The following MROH1 variants were observed in gnomAD, a reference collection of about 807,000 sequenced individuals.
The protein encoded by MROH1 is maestro heat-like repeat-containing protein family member 1.
MROH1 carries 117 observed loss-of-function variants against 116.5 expected under a neutral mutation model. That is an observed-to-expected ratio of 1.00 (90% CI 0.86 to 1.17). The LOEUF is 1.17. Ranked by LOEUF, MROH1 falls within the 50% of genes most tolerant of loss-of-function variation. MROH1 has a pLI of 0.00. For synonymous variants in MROH1, 921 were observed against 583.9 expected (o/e 1.58, Z -8.32); for missense variants, 1,873 against 1,338.5 (o/e 1.40, Z -6.23).
intron 29 of MROH1, among the ~76,000 whole-genome samples, chr8:144,246,428 C>T (rs899818477): frequency 3.3e-5 from 5 of 152,090 alleles, no homozygotes; most frequent in Non-Finnish European, 5.9e-5. Context: ...CCGCGCCCTG[C>T]CGAAACTTTC....
Position 144,199,151 on chromosome 8 carries a change from C to G in MROH1, c.978C>G (p.Pro326=). 1 of 1,613,756 alleles carries G rather than the reference C, an allele frequency of 6.2e-7. No individual in the cohort carries two copies. The highest frequency in any genetic ancestry group is 8.5e-7 in the Non-Finnish European group (1 of 1,179,834). ...QICVPVESSS[P]LVMSNQKEVL... ...GTGTGCCTGTGGAGTCCTCAAGCCC[C>G]CTGGTGATGAGTAACCAGAAGGAGG... Residue 326 remains proline, a synonymous_variant, in exon 11 of 44, where the codon CCC becomes CCG. Transcript: ENST00000326134.
intron 12 of MROH1, chr8:144,212,947 G>T: frequency 1.3e-6 from 1 of 746,888 alleles, no homozygotes; most frequent in Non-Finnish European, 2.5e-6. Flanking sequence ...AAGGTTAATA[G>T]AATTGGACTA....
At chr8:144,160,450 A>G (rs1448485273) in intron 1 of MROH1, among the ~76,000 whole-genome samples, 1 of 152,210 alleles carries the variant, frequency 6.6e-6, no homozygotes, top group Non-Finnish European at 1.5e-5. Context: ...GTTCTCCTAC[A>G]AGGCATTTGT....
chr8:144,178,209 G>A (rs1332466285), intron 4 of MROH1, among the ~76,000 whole-genome samples: 2 of 151,548 alleles, frequency 1.3e-5, no homozygotes, highest in Admixed American at 1.3e-4. Context: ...TCTCGGCTCT[G>A]CAACCTCTGC....
At chr8:144,170,052 C>T (rs1215908541) in intron 4 of MROH1, among the ~76,000 whole-genome samples, 2 of 152,288 alleles carry the variant, frequency 1.3e-5, no homozygotes, top group East Asian at 3.9e-4. Context: ...ATGTTGGTCT[C>T]GAACTCCTGA....
In MROH1 at chr8:144,233,296, C is replaced by G. The variant is rs190894349; in HGVS notation, c.1339-5460C>G. The stretch of plus-strand genomic sequence containing the variant: ...GCTTGTCCATGTTCCCAAACAGAAA[C>G]TCTGTCCTCATTAAATGCTAACTCC... On this transcript the variant is annotated intron_variant, in intron 14 of 43. Transcript: ENST00000326134. Among the ~76,000 whole-genome samples the G allele has an allele frequency of 3.2e-3, 480 of 151,882 alleles. 1 individual carries two copies. The highest frequency in any genetic ancestry group is 4.9e-3 in the Non-Finnish European group (335 of 67,832).
intron 31 of MROH1, 146 bp downstream of exon 31, chr8:144,247,825 T>C: frequency 3.0e-6 from 2 of 674,912 alleles, no homozygotes; most frequent in Non-Finnish European, 2.7e-6. Flanking sequence ...GTGTTTGCAT[T>C]AGTTGCCGGC....
chr8:144,254,738 CA>C, intron 33 of MROH1, 74 bp from the exon 34 acceptor site: 1 of 703,320 alleles, frequency 1.4e-6, no homozygotes, highest in South Asian at 1.5e-5. Context: ...AGCCAGGGTC[CA>C]CGGCACCCAG....
rs1228485043 is a variant in MROH1 at position 144,243,628 on chromosome 8, C to T, written c.2475+12C>T. ...TGGCACAGATGATGGTGAGCGTGGC[C>T]GTGGCCTGGCAGGTCCTCAGGCAGG... On this transcript the variant is annotated intron_variant, in intron 25 of 43. Transcript: ENST00000326134. 1.0e-5 allele frequency: 8 copies of T among 778,078 alleles called. No individual in the cohort carries two copies. The highest frequency in any genetic ancestry group is 1.4e-5 in the Non-Finnish European group (6 of 417,644). The allele number at this position is 778,078 out of a possible 1,614,324, so 48.2% of individuals were successfully genotyped here. A position where few individuals can be genotyped will look rare whatever the true frequency, so the allele number is the denominator to read the frequency against.
At position 144,248,740 on chromosome 8, in the gene MROH1, GC is replaced by G. The variant is rs1397156883; in HGVS notation, c.3121-134del. Reference sequence around the variant, plus strand: ...GCAGCGAGCTCATTGAAGGCGCAGGGCCCAGCGGCTGGGGCCCGGCTGCAAG... The same window carrying G: ...GCAGCGAGCTCATTGAAGGCGCAGGGCCAGCGGCTGGGGCCCGGCTGCAAG... On this transcript the variant is annotated intron_variant, in intron 31 of 43. Coordinates refer to ENST00000326134, the MANE Select transcript of MROH1 (RefSeq NM_032450.3). 1.0e-5 allele frequency: 7 copies of G among 690,084 alleles called. No homozygotes were observed. In the African/African-American group the frequency reaches 1.2e-4, roughly 12 times the overall value. The allele number at this position is 690,084 out of a possible 1,614,324, so 42.7% of individuals were successfully genotyped here.
intron 3 of MROH1, among the ~76,000 whole-genome samples, chr8:144,166,523 T>C (rs1246917594): frequency 1.3e-5 from 2 of 152,092 alleles, no homozygotes; most frequent in Non-Finnish European, 2.9e-5. Flanking sequence ...TGGGTGAAGC[T>C]CTGCCCACTT....
At chr8:144,226,236 A>G (rs561602043) in intron 14 of MROH1, among the ~76,000 whole-genome samples, 2 of 152,042 alleles carry the variant, frequency 1.3e-5, no homozygotes, top group East Asian at 3.9e-4. Context: ...TTTTTGTTAA[A>G]TGTGAGGTGT....
chr8:144,260,611 G>A (rs1229951297), intron 39 of MROH1, 66 bp from the exon 40 acceptor site: 1 of 768,494 alleles, frequency 1.3e-6, no homozygotes, highest in Non-Finnish European at 2.4e-6. Flanking sequence ...CAATGGCAGG[G>A]GGCTAGGCAG....
chr8:144,245,975 C>G (rs1191030818), intron 29 of MROH1, among the ~76,000 whole-genome samples: 11 of 152,114 alleles, frequency 7.2e-5, no homozygotes, highest in Non-Finnish European at 1.6e-4. Context: ...TGCACCTGGC[C>G]TTTTGTTAAT....
At chr8:144,239,523 C>G (rs1564543124) in intron 17 of MROH1, 91 bp from the exon 18 acceptor site, 1 of 758,078 alleles carries the variant, frequency 1.3e-6, no homozygotes, top group South Asian at 1.4e-5. Flanking sequence ...GAGCCAGGCT[C>G]CCCGTCGGGT....
intron 12 of MROH1, among the ~76,000 whole-genome samples, chr8:144,205,307 C>T (rs935991696): frequency 4.6e-5 from 7 of 152,192 alleles, no homozygotes; most frequent in African/African-American, 1.7e-4. Context: ...TTGTGTTAGA[C>T]ACCAGGCCAT....
intron 7 of MROH1, among the ~76,000 whole-genome samples, chr8:144,189,936 A>C (rs2131567682): frequency 6.6e-6 from 1 of 152,340 alleles, no homozygotes; most frequent in Non-Finnish European, 1.5e-5. Flanking sequence ...CCAAGTGCAA[A>C]TTAGGTGGCT....
intron 14 of MROH1, among the ~76,000 whole-genome samples, chr8:144,235,907 T>C (rs1348191461): frequency 6.6e-6 from 1 of 152,228 alleles, no homozygotes; most frequent in Non-Finnish European, 1.5e-5. Flanking sequence ...TATCACTGAC[T>C]ACTAAATATC....
intron 21 of MROH1, 106 bp from the exon 22 acceptor site, chr8:144,241,289 C>T (rs1372213458): frequency 1.1e-4 from 75 of 698,966 alleles, no homozygotes; most frequent in East Asian, 3.0e-4. Flanking sequence ...TGCAAGTGTG[C>T]GCATGTGTGT....
Sources: gnomAD v4.1 joint callset for allele counts (sites outside exome capture counted in the v4.1 genomes callset) on GRCh38, gnomAD v4.1.1 for gene constraint, MANE v1.5 for transcripts, NCBI Gene and HGNC (gene_info 2026-07-23, HGNC 2026-07-21) for gene names.